NAA20: variants seen among roughly 807,000 people sequenced by gnomAD.
The protein encoded by NAA20 is N-alpha-acetyltransferase 20.
In NAA20, 24 loss-of-function variants were observed where a neutral mutation model predicts 23.8. The observed-to-expected ratio is 1.01, with a 90% CI of 0.73 to 1.42. NAA20 has a LOEUF of 1.42. NAA20 is among the 40% of genes most tolerant of loss of function. The pLI is 0.00. For synonymous variants in NAA20, 83 were observed against 77.7 expected (o/e 1.07, Z -0.36); for missense variants, 166 against 223.1 (o/e 0.74, Z 1.63).
rs1195875564 is a variant in NAA20 at position 20,032,668 on chromosome 20, A to G, written c.451+15A>G. 2 of 1,574,292 alleles carry G rather than the reference A, an allele frequency of 1.3e-6. No homozygotes were observed. The highest frequency in any genetic ancestry group is 1.7e-6 in the Non-Finnish European group (2 of 1,162,420). ...GGACGCTTATGGTAAGCTCCCTTCCATGGCAGTATCCCCAAGAAGTCGAAA... is the reference window on the plus strand; with the variant it reads ...GGACGCTTATGGTAAGCTCCCTTCCGTGGCAGTATCCCCAAGAAGTCGAAA... On this transcript the variant is annotated intron_variant, in intron 5 of 5. Transcript: ENST00000334982.
At chr20:20,027,624 T>C (rs1453041555) in intron 4 of NAA20, among the ~76,000 whole-genome samples, 1 of 152,218 alleles carries the variant, frequency 6.6e-6, no homozygotes, top group Admixed American at 6.5e-5. Context: ...TTCAAACTAG[T>C]TTGCCAATAT....
intron 1 of NAA20, among the ~76,000 whole-genome samples, chr20:20,021,946 G>A (rs1003313465): frequency 6.6e-6 from 1 of 152,168 alleles, no homozygotes; most frequent in South Asian, 2.1e-4. Context: ...CATAGGAATG[G>A]GGATGGTGGG....
Position 20,029,189 on chromosome 20 carries a change from T to A in NAA20, c.305+2270T>A, listed in dbSNP as rs77559396. Among the ~76,000 whole-genome samples the A allele has an allele frequency of 5.9e-3, 899 of 152,268 alleles. 10 individuals are homozygous for A. Among genetic ancestry groups the A allele is most frequent in the Middle Eastern group, 0.027 (8 of 294 alleles). ...TAAAATATTTTTAATACAGAAAGAT[T>A]GAAAGTAAATTTTTAAATTACCTTG... On this transcript the variant is annotated intron_variant, in intron 4 of 5. Transcript: ENST00000334982.
chr20:20,017,313 T>C (rs1347119023), upstream of NAA20: 1 of 1,574,642 alleles, frequency 6.4e-7, no homozygotes, highest in Non-Finnish European at 8.6e-7. Context: ...CTCGCTCGGT[T>C]CCGCGGCGGC....
intron 4 of NAA20, 134 bp from the exon 5 acceptor site, chr20:20,032,374 T>C (rs2043349707): frequency 1.4e-6 from 1 of 698,466 alleles, no homozygotes; most frequent in Admixed American, 3.4e-5. Context: ...TGTAATCAGC[T>C]ACAAGGTCCT....
At chr20:20,024,445 A>T (rs1158422173) in intron 2 of NAA20, among the ~76,000 whole-genome samples, 1 of 152,236 alleles carries the variant, frequency 6.6e-6, no homozygotes, top group African/African-American at 2.4e-5. Flanking sequence ...TGGGAAAAGC[A>T]AAAAATCTCT....
At chr20:20,018,334 G>T (rs1370353403) in intron 1 of NAA20, 5 of 487,206 alleles carry the variant, frequency 1.0e-5, no homozygotes, top group Middle Eastern at 5.6e-4. Flanking sequence ...TGCTACGCTG[G>T]TATCTCTCCT....
At chr20:20,022,871 G>A (rs1163347376) in intron 2 of NAA20, among the ~76,000 whole-genome samples, 1 of 152,178 alleles carries the variant, frequency 6.6e-6, no homozygotes, top group African/African-American at 2.4e-5. Context: ...CAACAGCCAG[G>A]CTCTTTGCAG....
At chr20:20,021,376 T>TTA (rs1481334103) in intron 1 of NAA20, among the ~76,000 whole-genome samples, 2 of 152,186 alleles carry the variant, frequency 1.3e-5, no homozygotes, top group South Asian at 2.1e-4. Flanking sequence ...GGTGTGATCT[T>TTA]TCAGCAGCAA....
Position 20,033,172 on chromosome 20 carries a change from T to G in NAA20, c.522T>G (p.Pro174=), listed in dbSNP as rs2043360883. Residue 174 remains proline, a synonymous_variant, in exon 6 of 6, where the codon CCT becomes CCG. Transcript: ENST00000334982. ...SIIPLPHPVR[P]EDIE is the part of the protein sequence containing the mutation. ...TACCATTACCTCATCCTGTGAGGCC[T>G]GAAGACATTGAATAACCCTGGGCAG... 6.2e-7 allele frequency: 1 copy of G among 1,611,508 alleles called. No homozygotes were observed. The highest frequency in any genetic ancestry group is 1.3e-5 in the African/African-American group (1 of 74,888).
chr20:20,022,307 A>T (rs1027567276), intron 1 of NAA20, 149 bp from the exon 2 acceptor site: 3 of 651,500 alleles, frequency 4.6e-6, no homozygotes, highest in African/African-American at 1.9e-5. Flanking sequence ...AGATTAAATC[A>T]TCTGCCTCAG....
At chr20:20,017,342 C>T, upstream of NAA20, 9 of 1,605,090 alleles carry the variant, frequency 5.6e-6, no homozygotes, top group East Asian at 4.5e-5. Context: ...GGGAGACTTC[C>T]GGCAGGGCGG....
At chr20:20,025,137 G>A (rs1327141104) in intron 2 of NAA20, among the ~76,000 whole-genome samples, 1 of 152,166 alleles carries the variant, frequency 6.6e-6, no homozygotes, top group Non-Finnish European at 1.5e-5. Context: ...TTGAATCAGT[G>A]GAGAGGAAAA....
At chr20:20,018,522 G>C (rs2043246633) in intron 1 of NAA20, 1 of 163,140 alleles carries the variant, frequency 6.1e-6, no homozygotes, top group African/African-American at 2.4e-5. Context: ...ACATTGGTAA[G>C]TGAGGAAGAC....
At position 20,033,479 on chromosome 20, in the gene NAA20, C is replaced by G. The variant is rs752628465; in HGVS notation, c.*292C>G. The G allele has an allele frequency of 7.5e-6, 2 of 267,516 alleles. No individual in the cohort carries two copies. Among genetic ancestry groups the G allele is most frequent in the African/African-American group, 4.4e-5 (2 of 45,902 alleles). The allele number at this position is 267,516 out of a possible 1,614,324, so 16.6% of individuals were successfully genotyped here. On this transcript the variant is annotated 3_prime_UTR_variant, in exon 6 of 6. Transcript: ENST00000334982. ...CACTGTATGTATGCTAGGGAAAAGACTTGCTCCAGTCTCCTCCTCAGTTCT... is the reference window on the plus strand; with the variant it reads ...CACTGTATGTATGCTAGGGAAAAGAGTTGCTCCAGTCTCCTCCTCAGTTCT...
At chr20:20,025,614 A>G (rs973573413) in intron 2 of NAA20, 63 bp from the exon 3 acceptor site, 28 of 1,226,206 alleles carry the variant, frequency 2.3e-5, no homozygotes, top group Non-Finnish European at 3.0e-5. Flanking sequence ...TTTTTTTACA[A>G]TATCCCTTAA....
chr20:20,032,779 C>T (rs894173602), intron 5 of NAA20, 126 bp downstream of exon 5: 2 of 1,250,194 alleles, frequency 1.6e-6, no homozygotes, highest in African/African-American at 3.0e-5. Context: ...TTTCCCTCAA[C>T]CTACCTTTAT....
At position 20,032,536 on chromosome 20, in the gene NAA20, G is replaced by GT. The variant is rs1346484592; in HGVS notation, c.335dup (p.Arg113LysfsTer4). 6.2e-7 allele frequency: 1 copy of GT among 1,612,694 alleles called. No homozygotes were observed. Among genetic ancestry groups the GT allele is most frequent in the Non-Finnish European group, 8.5e-7 (1 of 1,179,304 alleles). On this transcript the variant is annotated frameshift_variant, in exon 5 of 6. Coordinates refer to ENST00000334982, the MANE Select transcript of NAA20 (RefSeq NM_016100.5). LOFTEE classifies it high-confidence loss of function. ...GGGTGGATTTTTTGTGGATCTCTTT[G>GT]TAAGAGTATCTAACCAAGTTGCAGT...
Position 20,026,845 on chromosome 20 carries a change from G to A in NAA20, c.231G>A (p.Leu77=). The A allele has an allele frequency of 6.2e-7, 1 of 1,614,222 alleles. No homozygotes were observed. Among genetic ancestry groups the A allele is most frequent in the Non-Finnish European group, 8.5e-7 (1 of 1,180,034 alleles). ...REEWHGHVTA[L]SVAPEFRRLG... ...AATGGCACGGGCACGTCACAGCTCTGTCTGTTGCCCCAGAATTTCGACGCC... is the reference window on the plus strand; with the variant it reads ...AATGGCACGGGCACGTCACAGCTCTATCTGTTGCCCCAGAATTTCGACGCC... Residue 77 remains leucine, a synonymous_variant, in exon 4 of 6, where the codon CTG becomes CTA. Transcript: ENST00000334982.
Sources: gnomAD v4.1 joint callset for allele counts (sites outside exome capture counted in the v4.1 genomes callset) on GRCh38, gnomAD v4.1.1 for gene constraint, MANE v1.5 for transcripts, NCBI Gene and HGNC (gene_info 2026-07-23, HGNC 2026-07-21) for gene names.